The following DRC7 variants were observed in gnomAD, a reference collection of about 807,000 sequenced individuals.
DRC7 encodes dynein regulatory complex subunit 7.
A neutral mutation model predicts 104.4 loss-of-function variants in DRC7; 80 were observed. That is an observed-to-expected ratio of 0.77 (90% CI 0.64 to 0.92). The LOEUF (loss-of-function observed/expected upper bound fraction) is 0.92. Ranked by LOEUF, DRC7 falls within the 40% of genes least tolerant of loss-of-function variation. The probability of loss-of-function intolerance (pLI) is 0.00; values close to 1 mark genes in which losing one functional copy is unlikely to be tolerated. For synonymous variants in DRC7, 405 were observed against 447.3 expected, an observed-to-expected ratio of 0.91 and a Z score of 1.19; for missense variants, 1,034 against 1,141.1, an observed-to-expected ratio of 0.91 and a Z score of 1.35.
intron 8 of DRC7, among the ~76,000 whole-genome samples, chr16:57,710,349 A>G (rs1336641186): frequency 6.6e-6 from 1 of 152,210 alleles, no homozygotes; most frequent in African/African-American, 2.4e-5. Flanking sequence ...GTTGATTTTT[A>G]CATATTGATC....
At position 57,723,073 on chromosome 16, in the gene DRC7, A is replaced by C; in HGVS notation, c.1480A>C (p.Lys494Gln). ...EDMLELKHIN[K>Q]TTDLKTDYFK... ...CATGCTGGAGCTGAAACACATAAAC[A>C]AGACCACAGACCTGAAGACAGACTA... Residue 494 changes from lysine (K) to glutamine (Q), a missense_variant, in exon 12 of 19, where the codon AAG (lysine) becomes CAG (glutamine). Coordinates refer to ENST00000360716, the MANE Select transcript of DRC7 (RefSeq NM_001289162.2). 10 of 1,613,830 alleles carry C rather than the reference A, an allele frequency of 6.2e-6. No homozygotes were observed. Among genetic ancestry groups the C allele is most frequent in the Non-Finnish European group, 8.5e-6 (10 of 1,179,988 alleles).
chr16:57,728,874 A>ACAGG (rs60729650), intron 17 of DRC7, among the ~76,000 whole-genome samples: 7,145 of 137,960 alleles, frequency 0.052, 472 homozygotes, highest in East Asian at 0.23. Flanking sequence ...AGATGGATGA[A>ACAGG]TAGATAGATG....
intron 12 of DRC7, among the ~76,000 whole-genome samples, 156 bp from the exon 13 acceptor site, chr16:57,724,459 C>A (rs1047782037): frequency 6.6e-6 from 1 of 152,076 alleles, no homozygotes; most frequent in Non-Finnish European, 1.5e-5. Context: ...TTGTACGCAA[C>A]CTAAACACCC....
chr16:57,705,200 G>T (rs77271411), intron 7 of DRC7, among the ~76,000 whole-genome samples, 166 bp downstream of exon 7: 1 of 152,052 alleles, frequency 6.6e-6, no homozygotes, highest in Admixed American at 6.6e-5. Context: ...ATCTCCCACT[G>T]GTGGTCAGCC....
In DRC7 at chr16:57,727,403, G is replaced by T; in HGVS notation, c.2190G>T (p.Glu730Asp). 1.2e-6 allele frequency: 2 copies of T among 1,612,150 alleles called. No individual in the cohort carries two copies. The highest frequency in any genetic ancestry group is 1.7e-6 in the Non-Finnish European group (2 of 1,178,792). Residue 730 changes from glutamate to aspartate, a missense_variant, in exon 16 of 19, where the codon GAG becomes GAT. Transcript: ENST00000360716. Reference protein sequence around the residue: ...KRNEKSKEYREAMERMMHEEH... With the variant: ...KRNEKSKEYRDAMERMMHEEH... ...ATGAGAAGAGCAAGGAATATCGGGAGGCCATGGTCAGTCCCAATCCCTTCT... is the reference window on the plus strand; with the variant it reads ...ATGAGAAGAGCAAGGAATATCGGGATGCCATGGTCAGTCCCAATCCCTTCT...
chr16:57,724,775 C>T lies in DRC7; in HGVS notation c.1698C>T (p.Phe566=), dbSNP rs770349552. The T allele has an allele frequency of 9.3e-6, 15 of 1,613,664 alleles. 1 individual carries two copies. Among genetic ancestry groups the T allele is most frequent in the Admixed American group, 8.3e-5 (5 of 60,000 alleles). Residue 566 remains phenylalanine, a synonymous_variant, in exon 13 of 19, where the codon TTC becomes TTT. Transcript: ENST00000360716. The stretch of plus-strand genomic sequence containing the variant: ...TCCTCTCCTACCGCCATGCCAGCTT[C>T]GGACCCCGAGTCAAGAAGCTCACTC... ...PDFLSYRHAS[F]GPRVKKLTLS... is the part of the protein sequence containing the mutation.
Position 57,701,142 on chromosome 16 carries a change from G to A in DRC7, c.505-794G>A, listed in dbSNP as rs116554822. 9.8e-3 allele frequency among the ~76,000 whole-genome samples: 1,495 copies of A among 152,284 alleles called. 25 individuals carry two copies. Among genetic ancestry groups the A allele is most frequent in the African/African-American group, 0.034 (1,419 of 41,552 alleles). On this transcript the variant is annotated intron_variant, in intron 5 of 18. Coordinates refer to ENST00000360716, the MANE Select transcript of DRC7 (RefSeq NM_001289162.2). ...AGGAGAAGGCTGACAAACAGGCATT[G>A]GCTATTCAAGCAGGGGCCTAGTATA...
At chr16:57,703,002 G>A (rs575046964) in intron 6 of DRC7, among the ~76,000 whole-genome samples, 1 of 151,862 alleles carries the variant, frequency 6.6e-6, no homozygotes, top group South Asian at 2.1e-4. Context: ...TCCTGCCTCA[G>A]CCTCCCAAGT....
Position 57,728,560 on chromosome 16 carries a change from C to A in DRC7, c.2367C>A (p.Asn789Lys). ...DFKQRLINKA[N>K]LIQARFEKET... ...AGCAGCGGCTCATCAACAAGGCCAA[C>A]CTCATCCAGGCCCGCTTTGAGAAGG... Residue 789 changes from asparagine (N) to lysine (K), a missense_variant, in exon 17 of 19, where the codon AAC becomes AAA. Coordinates refer to ENST00000360716, the MANE Select transcript of DRC7 (RefSeq NM_001289162.2). The A allele has an allele frequency of 6.2e-7, 1 of 1,606,504 alleles. No homozygotes were observed. Among genetic ancestry groups the A allele is most frequent in the Non-Finnish European group, 8.5e-7 (1 of 1,176,348 alleles).
At chr16:57,717,318 T>G (rs1597805622) in intron 8 of DRC7, among the ~76,000 whole-genome samples, 2 of 134,894 alleles carry the variant, frequency 1.5e-5, no homozygotes, top group South Asian at 5.2e-4. Context: ...CGCTGCAGCC[T>G]CAACTTCCTG....
At position 57,721,661 on chromosome 16, in the gene DRC7, C is replaced by T. The variant is rs751485462; in HGVS notation, c.1207-6C>T. The stretch of plus-strand genomic sequence containing the variant: ...CCACCTCCCCCACCCCCTTCTCTCC[C>T]ATCAGGGCAAGGAGGATGAGGATAA... On this transcript the variant is annotated splice_region_variant and splice_polypyrimidine_tract_variant and intron_variant, in intron 9 of 18. Coordinates refer to ENST00000360716, the MANE Select transcript of DRC7 (RefSeq NM_001289162.2). 30 of 1,611,696 alleles carry T rather than the reference C, an allele frequency of 1.9e-5. No homozygotes were observed. The highest frequency in any genetic ancestry group is 2.2e-5 in the Non-Finnish European group (26 of 1,178,286).
chr16:57,707,655 C>A lies in DRC7; in HGVS notation c.1054C>A (p.Gln352Lys), dbSNP rs199914520. The change falls in exon 8 of 19, where the codon CAG (glutamine) becomes AAG (lysine). Residue 352 changes from glutamine (Q) to lysine (K), a missense_variant. Transcript: ENST00000360716. ...WNHKNYWINM[Q>K]DCWNCCKDLI... ...CCACAAGAACTACTGGATCAACATG[C>A]AGGATTGCTGGAACTGCTGCAAGGT... 5.5e-5 allele frequency: 88 copies of A among 1,613,236 alleles called. No homozygotes were observed. Among genetic ancestry groups the A allele is most frequent in the Non-Finnish European group, 2.8e-5 (33 of 1,179,966 alleles).
intron 5 of DRC7, 41 bp downstream of exon 5, chr16:57,700,311 A>G: frequency 6.3e-7 from 1 of 1,583,010 alleles, no homozygotes; most frequent in Non-Finnish European, 8.6e-7. Flanking sequence ...GCCCACCAGG[A>G]CTAAGATGGT....
chr16:57,718,492 C>G lies in DRC7; in HGVS notation c.1206+17C>G, dbSNP rs376979174. The G allele has an allele frequency of 6.2e-7, 1 of 1,612,888 alleles. No individual in the cohort carries two copies. Among genetic ancestry groups the G allele is most frequent in the African/African-American group, 1.3e-5 (1 of 74,888 alleles). On this transcript the variant is annotated intron_variant, in intron 9 of 18. Coordinates refer to ENST00000360716, the MANE Select transcript of DRC7 (RefSeq NM_001289162.2). The stretch of plus-strand genomic sequence containing the variant: ...GAAAATCTGGTGAGTCTCAGCAGCT[C>G]GAGAGCCCAGGGAATGTGTGTGAAG...
At chr16:57,718,199 G>A in intron 8 of DRC7, 148 bp from the exon 9 acceptor site, 1 of 979,586 alleles carries the variant, frequency 1.0e-6, no homozygotes, top group Non-Finnish European at 1.5e-6. Context: ...GACTCTCAGA[G>A]CCACCTGGGA....
chr16:57,711,041 T>A lies in DRC7; in HGVS notation c.1077+3363T>A, dbSNP rs139503142. Among the ~76,000 whole-genome samples the A allele has an allele frequency of 1.8e-4, 27 of 152,308 alleles. No homozygotes were observed. The East Asian group carries it at 3.5e-3, about 20-fold the overall frequency. ...CTTTTCTTCAGTTTTCTGGATGAGT[T>A]TCTGTAGAATTGGCATGATTTCCTT... is the stretch of plus-strand genomic sequence containing the variant. On this transcript the variant is annotated intron_variant, in intron 8 of 18. Coordinates refer to ENST00000360716, the MANE Select transcript of DRC7 (RefSeq NM_001289162.2).
At chr16:57,700,048 C>G (rs1202508703) in intron 4 of DRC7, 97 bp from the exon 5 acceptor site, 3 of 1,435,998 alleles carry the variant, frequency 2.1e-6, no homozygotes, top group Non-Finnish European at 2.8e-6. Context: ...TTTGCTCAGG[C>G]CTCTAGGGTC....
chr16:57,704,918 A>G lies in DRC7; in HGVS notation c.742A>G (p.Ile248Val), dbSNP rs1433514148. The change falls in exon 7 of 19, where the codon ATC becomes GTC. Residue 248 changes from isoleucine (I) to valine (V), a missense_variant. Physicochemically the swap from Ile to Val is conservative, Grantham distance 29. Transcript: ENST00000360716. The stretch of plus-strand genomic sequence containing the variant: ...AAAGGTGCTGCCTAAGAAGTATACC[A>G]TCAAACCCCCCAGGGACCTGTGCAG... ...EEKVLPKKYT[I>V]KPPRDLCSRF... is the part of the protein sequence containing the mutation. 3.7e-6 allele frequency: 6 copies of G among 1,613,774 alleles called. No individual in the cohort carries two copies. Among genetic ancestry groups the G allele is most frequent in the Non-Finnish European group, 4.2e-6 (5 of 1,179,914 alleles).
chr16:57,727,003 G>C (rs374206219), intron 15 of DRC7, 61 bp downstream of exon 15: 5 of 1,064,698 alleles, frequency 4.7e-6, no homozygotes, highest in Non-Finnish European at 7.1e-6. Flanking sequence ...ATAGGGTCTC[G>C]CTCTATAACC....
Sources: allele counts gnomAD v4.1 joint callset (sites outside exome capture counted in the v4.1 genomes callset), GRCh38; gene constraint gnomAD v4.1.1; transcripts MANE v1.5; gene names NCBI Gene and HGNC (gene_info 2026-07-23, HGNC 2026-07-21).